SDCCAG8: variants seen among roughly 807,000 people sequenced by gnomAD.
SDCCAG8 encodes the protein serologically defined colon cancer antigen 8.
In SDCCAG8, 74 loss-of-function variants were observed where a neutral mutation model predicts 101.8. That is an observed-to-expected ratio of 0.73 (90% CI 0.60 to 0.88). The LOEUF is 0.88. Among genes scored for constraint, SDCCAG8 ranks in the 40% least tolerant of loss-of-function variants. The probability of loss-of-function intolerance (pLI) is 0.00; values close to 1 mark genes in which losing one functional copy is unlikely to be tolerated. For missense variants in SDCCAG8, 787 were observed against 822.6 expected (o/e 0.96, Z 0.53); for synonymous variants, 281 against 292.9 (o/e 0.96, Z 0.41).
chr1:243,365,109 C>T (rs1171136366), intron 12 of SDCCAG8, among the ~76,000 whole-genome samples: 4 of 152,060 alleles, frequency 2.6e-5, no homozygotes, highest in East Asian at 3.9e-4. Context: ...AAATGGGTAT[C>T]GGCGAAGAGT....
chr1:243,349,535 T>C (rs1428737180), intron 12 of SDCCAG8, among the ~76,000 whole-genome samples: 1 of 152,220 alleles, frequency 6.6e-6, no homozygotes, highest in African/African-American at 2.4e-5. Flanking sequence ...TCCTCTGACT[T>C]ACTAGGATGC....
intron 16 of SDCCAG8, among the ~76,000 whole-genome samples, chr1:243,455,566 G>C (rs1478854880): frequency 5.9e-5 from 9 of 152,218 alleles, no homozygotes; most frequent in Admixed American, 5.9e-4. Context: ...ACCGCACCTA[G>C]CCTATTTCCA....
chr1:243,373,683 A>G (rs976508378), intron 12 of SDCCAG8, among the ~76,000 whole-genome samples: 5 of 152,134 alleles, frequency 3.3e-5, no homozygotes, highest in African/African-American at 1.2e-4. Flanking sequence ...TTTTGCTTAC[A>G]TTATAGCCAT....
rs1304110545 is a variant in SDCCAG8, at chr1:243,414,676, T to G, written c.1617-1026T>G. 2.6e-5 allele frequency among the ~76,000 whole-genome samples: 4 copies of G among 152,206 alleles called. No individual in the cohort carries two copies. The East Asian group carries it at 7.7e-4, about 29-fold the overall frequency. On this transcript the variant is annotated intron_variant, in intron 13 of 17. Coordinates refer to ENST00000366541, the MANE Select transcript of SDCCAG8 (RefSeq NM_006642.5). ...AGTGATAGCTTTATGGAATTGTTTA[T>G]TTTTAGTTTGGCAAAGGCTAAGCAG...
At position 243,270,115 on chromosome 1, in the gene SDCCAG8, C is replaced by T. The variant is rs1379593524; in HGVS notation, c.78C>T (p.Ser26=). The T allele has an allele frequency of 6.2e-7, 1 of 1,614,080 alleles. No homozygotes were observed. The highest frequency in any genetic ancestry group is 1.3e-5 in the African/African-American group (1 of 74,924). The part of the protein sequence containing the change: ...QYQRSLREHA[S]RSIHQLTCAL... Reference sequence around the variant, plus strand: ...AGGTTGTTCTTGCAGAACATGCCAGCAGAAGCATTCACCAACTGACATGTG... The same window carrying T: ...AGGTTGTTCTTGCAGAACATGCCAGTAGAAGCATTCACCAACTGACATGTG... Residue 26 remains serine (S), a synonymous_variant, in exon 2 of 18, where the codon AGC becomes AGT. Coordinates refer to ENST00000366541, the MANE Select transcript of SDCCAG8 (RefSeq NM_006642.5).
chr1:243,407,980 A>C (rs1057130692), intron 13 of SDCCAG8, among the ~76,000 whole-genome samples: 1 of 152,182 alleles, frequency 6.6e-6, no homozygotes, highest in Non-Finnish European at 1.5e-5. Flanking sequence ...TAAGCATAGA[A>C]TTTTGGGTTC....
chr1:243,334,136 C>G (rs1382986315), intron 10 of SDCCAG8, among the ~76,000 whole-genome samples: 1 of 152,120 alleles, frequency 6.6e-6, no homozygotes, highest in African/African-American at 2.4e-5. Flanking sequence ...AGACTTAAGC[C>G]CCTGAGCATT....
intron 16 of SDCCAG8, among the ~76,000 whole-genome samples, chr1:243,431,963 C>G (rs1002023801): frequency 2.0e-5 from 3 of 152,130 alleles, no homozygotes; most frequent in Non-Finnish European, 4.4e-5. Flanking sequence ...GTGTAACAAT[C>G]TAGTAATGAG....
At chr1:243,306,070 A>G in intron 7 of SDCCAG8, 1 of 126,790 alleles carries the variant, frequency 7.9e-6, no homozygotes. Context: ...TGGGTGACAG[A>G]GGGAGACTCC....
chr1:243,396,745 A>G (rs532382479), intron 13 of SDCCAG8, among the ~76,000 whole-genome samples: 1 of 152,358 alleles, frequency 6.6e-6, no homozygotes, highest in South Asian at 2.1e-4. Context: ...GAAAATACAT[A>G]TCAGCTGTCT....
intron 5 of SDCCAG8, among the ~76,000 whole-genome samples, chr1:243,292,042 G>A (rs778417365): frequency 7.9e-5 from 12 of 152,312 alleles, no homozygotes; most frequent in Admixed American, 3.9e-4. Flanking sequence ...GAAAAGGCAC[G>A]TAGGGCAGGG....
At chr1:243,413,977 G>A (rs750753722) in intron 13 of SDCCAG8, among the ~76,000 whole-genome samples, 1 of 152,182 alleles carries the variant, frequency 6.6e-6, no homozygotes, top group Non-Finnish European at 1.5e-5. Flanking sequence ...CCTATGACAA[G>A]AGTATAACAA....
At chr1:243,418,702 G>T (rs184499089) in intron 15 of SDCCAG8, among the ~76,000 whole-genome samples, 6 of 152,168 alleles carry the variant, frequency 3.9e-5, no homozygotes, top group African/African-American at 1.4e-4. Flanking sequence ...ATTCTAAACT[G>T]CAAGAAGCCC....
At chr1:243,485,041 C>A (rs1286444339) in intron 16 of SDCCAG8, among the ~76,000 whole-genome samples, 1 of 125,382 alleles carries the variant, frequency 8.0e-6, no homozygotes. Context: ...AAGACTCCAT[C>A]TCAAAAAAAA....
intron 6 of SDCCAG8, among the ~76,000 whole-genome samples, chr1:243,294,696 TCCCC>T (rs576179320): frequency 1.6e-5 from 1 of 62,240 alleles, no homozygotes; most frequent in Admixed American, 1.8e-4. Flanking sequence ...CTTTCTAAAT[TCCCC>T]CCCCCCCCCA....
At chr1:243,389,701 G>A (rs963127293) in intron 13 of SDCCAG8, among the ~76,000 whole-genome samples, 20 of 152,154 alleles carry the variant, frequency 1.3e-4, no homozygotes, top group African/African-American at 4.1e-4. Flanking sequence ...AGCTTGAGAT[G>A]CTATGCTTCT....
In SDCCAG8 at chr1:243,355,376, T is replaced by A. The variant is rs112067094; in HGVS notation, c.1473+11045T>A. Among the ~76,000 whole-genome samples, 423 of 152,090 alleles carry A rather than the reference T, an allele frequency of 2.8e-3. 5 individuals are homozygous for A. Among genetic ancestry groups the A allele is most frequent in the African/African-American group, 9.9e-3 (412 of 41,512 alleles). ...ACCCTCTCTCCATGGTAATAAATTA[T>A]ACAAGTAGTAGTATTAGCCTTTCTT... On this transcript the variant is annotated intron_variant, in intron 12 of 17. Transcript: ENST00000366541.
chr1:243,295,766 C>G (rs1009577123), intron 6 of SDCCAG8, among the ~76,000 whole-genome samples: 9 of 152,100 alleles, frequency 5.9e-5, no homozygotes, highest in African/African-American at 9.7e-5. Flanking sequence ...TCCCGAATAG[C>G]ATGTTTTCTC....
intron 13 of SDCCAG8, among the ~76,000 whole-genome samples, chr1:243,382,256 G>A (rs960142719): frequency 5.9e-5 from 9 of 152,076 alleles, no homozygotes; most frequent in African/African-American, 2.2e-4. Flanking sequence ...GTTGGGAGCT[G>A]GACTCAGAGA....
Sources: allele counts gnomAD v4.1 joint callset (sites outside exome capture counted in the v4.1 genomes callset), GRCh38; gene constraint gnomAD v4.1.1; transcripts MANE v1.5; gene names NCBI Gene and HGNC (gene_info 2026-07-23, HGNC 2026-07-21).